The following SAP130 variants were observed in gnomAD, a reference collection of about 807,000 sequenced individuals.
SAP130 encodes histone deacetylase complex subunit SAP130.
A neutral mutation model predicts 103.2 loss-of-function variants in SAP130; 16 were observed. That is an observed-to-expected ratio of 0.16 (90% CI 0.10 to 0.24). SAP130 has a LOEUF of 0.24. Ranked by LOEUF, SAP130 falls within the 10% of genes least tolerant of loss-of-function variation. SAP130 has a pLI of 1.00. For missense variants in SAP130, 990 were observed against 1,359.7 expected, an observed-to-expected ratio of 0.73 and a Z score of 4.28; for synonymous variants, 477 against 497.0, an observed-to-expected ratio of 0.96 and a Z score of 0.53.
chr2:128,007,882 T>A (rs1208415227), intron 7 of SAP130, among the ~76,000 whole-genome samples: 1 of 152,140 alleles, frequency 6.6e-6, no homozygotes, highest in Non-Finnish European at 1.5e-5. Flanking sequence ...AGCACAGACA[T>A]CTCTTCAACC....
At chr2:128,010,909 T>TAA (rs11414397) in intron 6 of SAP130, among the ~76,000 whole-genome samples, 5 of 107,150 alleles carry the variant, frequency 4.7e-5, no homozygotes, top group South Asian at 2.8e-4. Flanking sequence ...TCAGAATTAT[T>TAA]AAAAAAAAAA....
At position 127,949,975 on chromosome 2, in the gene SAP130, A is replaced by G. The variant is rs1329753862; in HGVS notation, c.2691T>C (p.Tyr897=). The stretch of plus-strand genomic sequence containing the variant: ...TGGGGGGTCTTGGACGCACTGGGAC[A>G]TATCTCACACCTTCCTCATCTGTTA... ...KEYIDEEGVR[Y]VPVRPRPPIT... is the part of the protein sequence containing the mutation. Residue 897 remains tyrosine, a synonymous_variant, in exon 18 of 21, where the codon TAT becomes TAC. Transcript: ENST00000643581. 8.1e-6 allele frequency: 13 copies of G among 1,614,138 alleles called. No homozygotes were observed. Among genetic ancestry groups the G allele is most frequent in the South Asian group, 1.1e-5 (1 of 91,066 alleles).
chr2:127,960,475 GT>G (rs1161910685), intron 15 of SAP130, among the ~76,000 whole-genome samples: 1 of 152,174 alleles, frequency 6.6e-6, no homozygotes. Context: ...TTGGTGGAAA[GT>G]TTGAAGATGA....
Position 127,978,024 on chromosome 2 carries a change from C to A in SAP130, c.2024G>T (p.Ser675Ile). 6.4e-7 allele frequency: 1 copy of A among 1,552,018 alleles called. No homozygotes were observed. Among genetic ancestry groups the A allele is most frequent in the African/African-American group, 1.4e-5 (1 of 73,178 alleles). ...TGACCCAGACGTACTCCGCATAGAGCTTTCCACTCGAGGACTAGCAACATC... is the reference window on the plus strand; with the variant it reads ...TGACCCAGACGTACTCCGCATAGAGATTTCCACTCGAGGACTAGCAACATC... ...PPDVASPRVE[S>I]SMRSTSGSPR... is the part of the protein sequence containing the mutation. The change falls in exon 15 of 21, where the codon AGC becomes ATC. Residue 675 changes from serine (S) to isoleucine (I), a missense_variant. Coordinates refer to ENST00000643581, the MANE Select transcript of SAP130 (RefSeq NM_001330301.2).
chr2:128,013,466 C>A (rs180983336), intron 5 of SAP130, among the ~76,000 whole-genome samples: 2 of 152,304 alleles, frequency 1.3e-5, no homozygotes, highest in East Asian at 3.9e-4. Flanking sequence ...TCTGACGAGG[C>A]TCGGACACTT....
In SAP130 at chr2:127,955,845, GT is replaced by G. The variant is rs1253735821; in HGVS notation, c.2064-502del. Among the ~76,000 whole-genome samples the G allele has an allele frequency of 6.6e-6, 1 of 152,112 alleles. No homozygotes were observed. The highest frequency in any genetic ancestry group is 6.6e-5 in the Admixed American group (1 of 15,264). ...CAAAGCAATTTTAAATGGAAATCAG[GT>G]TTTAAAGATATACTGTATGTCCTGC... On this transcript the variant is annotated intron_variant, in intron 15 of 20. Transcript: ENST00000643581. The surrounding 1 kb of genome is among the most constrained non-coding windows in gnomAD (Gnocchi z 4.9).
Position 127,990,440 on chromosome 2 carries a change from T to C in SAP130, c.1478-574A>G, listed in dbSNP as rs542885431. Among the ~76,000 whole-genome samples, 7 of 151,188 alleles carry C rather than the reference T, an allele frequency of 4.6e-5. No homozygotes were observed. In the South Asian group the frequency reaches 1.5e-3, roughly 32 times the overall value. On this transcript the variant is annotated intron_variant, in intron 12 of 20. Coordinates refer to ENST00000643581, the MANE Select transcript of SAP130 (RefSeq NM_001330301.2). ...TTTCTTACTATCTGTGGAAAGAAAA[T>C]AAACACAGAGGACTTTTTCCTCAGT...
At chr2:127,960,827 T>C (rs899100017) in intron 15 of SAP130, among the ~76,000 whole-genome samples, 6 of 152,178 alleles carry the variant, frequency 3.9e-5, no homozygotes, top group Non-Finnish European at 8.8e-5. Context: ...ATAACTGAAT[T>C]CTAGAATATT....
At chr2:127,999,979 G>T in intron 9 of SAP130, 77 bp downstream of exon 9, 2 of 1,490,798 alleles carry the variant, frequency 1.3e-6, no homozygotes, top group Non-Finnish European at 1.9e-6. Flanking sequence ...CTGACTGAAG[G>T]TGAGAAATGA....
intron 4 of SAP130, among the ~76,000 whole-genome samples, chr2:128,016,018 T>G (rs1323775711): frequency 1.3e-5 from 2 of 150,680 alleles, no homozygotes; most frequent in African/African-American, 4.9e-5. Context: ...TCTGCTCTCC[T>G]CAGAGAAACC....
At chr2:127,967,697 T>C (rs759583863) in intron 15 of SAP130, among the ~76,000 whole-genome samples, 2 of 151,934 alleles carry the variant, frequency 1.3e-5, no homozygotes, top group African/African-American at 2.4e-5. Flanking sequence ...TGCCCGGCCA[T>C]AGCTGGAGAT....
At chr2:127,979,208 G>A (rs2104930654) in intron 14 of SAP130, among the ~76,000 whole-genome samples, 1 of 152,310 alleles carries the variant, frequency 6.6e-6, no homozygotes, top group South Asian at 2.1e-4. Context: ...GGGGTGCTGT[G>A]CCTGCAAGCC....
chr2:127,975,060 T>C (rs1437571000), intron 15 of SAP130, among the ~76,000 whole-genome samples: 1 of 152,200 alleles, frequency 6.6e-6, no homozygotes, highest in Non-Finnish European at 1.5e-5. Context: ...TCCCCATTGT[T>C]ATGTGGCTAG....
At chr2:127,948,249 C>T (rs146235268) in intron 18 of SAP130, among the ~76,000 whole-genome samples, 8 of 151,354 alleles carry the variant, frequency 5.3e-5, no homozygotes, top group African/African-American at 1.5e-4. Flanking sequence ...ATGACAATAA[C>T]TAGTATGTAA....
intron 7 of SAP130, 121 bp downstream of exon 7, chr2:128,010,148 T>C (rs1222452863): frequency 4.0e-5 from 43 of 1,067,782 alleles, no homozygotes; most frequent in South Asian, 1.6e-4. Flanking sequence ...GAACACTACA[T>C]AGCTCATTAT....
At chr2:127,991,503 G>A (rs1438712889) in intron 12 of SAP130, among the ~76,000 whole-genome samples, 2 of 151,666 alleles carry the variant, frequency 1.3e-5, no homozygotes, top group African/African-American at 4.8e-5. Flanking sequence ...ACCATGCCTG[G>A]CTAATTTTTG....
rs1163635835 is a variant in SAP130, at chr2:127,941,887, G to A, written c.*119C>T. ...GTCATGGGTTCCTCTGCTTTCACAC[G>A]GGAACTAAGGAACACTTCCTTTATT... On this transcript the variant is annotated 3_prime_UTR_variant, in exon 21 of 21. Transcript: ENST00000643581. 7 of 911,948 alleles carry A rather than the reference G, an allele frequency of 7.7e-6. No homozygotes were observed. The highest frequency in any genetic ancestry group is 1.7e-5 in the African/African-American group (1 of 59,650). The allele number at this position is 911,948 out of a possible 1,614,324, so 56.5% of individuals were successfully genotyped here. A position where few individuals can be genotyped will look rare whatever the true frequency, so the allele number is the denominator to read the frequency against.
At chr2:128,012,615 TTTCC>T (rs1162072055) in intron 6 of SAP130, among the ~76,000 whole-genome samples, 1 of 152,094 alleles carries the variant, frequency 6.6e-6, no homozygotes, top group Non-Finnish European at 1.5e-5. Flanking sequence ...AGGTCATAGA[TTTCC>T]TTAAGAAAAA....
chr2:127,944,901 CAAAAAAA>C lies in SAP130; in HGVS notation c.2901+548_2901+554del, dbSNP rs1188253573. Among the ~76,000 whole-genome samples, 3 of 77,540 alleles carry C rather than the reference CAAAAAAA, an allele frequency of 3.9e-5. No individual in the cohort carries two copies. The South Asian group carries it at 1.3e-3, about 34-fold the overall frequency. 50.9% of individuals were successfully genotyped at this position (77,540 alleles called of 152,430 possible). ...TGGGTAACAGAGCAAGACCTTGTCT[CAAAAAAA>C]AAAAAAAAAAAAAAAAGAACAGGAG... On this transcript the variant is annotated intron_variant, in intron 19 of 20. Coordinates refer to ENST00000643581, the MANE Select transcript of SAP130 (RefSeq NM_001330301.2).
Sources: allele counts gnomAD v4.1 joint callset (sites outside exome capture counted in the v4.1 genomes callset), GRCh38; gene constraint gnomAD v4.1.1; non-coding constraint Gnocchi (gnomAD v3.1); transcripts MANE v1.5; gene names NCBI Gene and HGNC (gene_info 2026-07-23, HGNC 2026-07-21).